Variants in PIK3CD observed in about 807,000 individuals in gnomAD.
PIK3CD encodes phosphatidylinositol 4,5-bisphosphate 3-kinase catalytic subunit delta isoform.
Under a neutral mutation model 122.9 loss-of-function variants are expected in PIK3CD, and 20 were observed. That is an observed-to-expected ratio of 0.16 (90% CI 0.11 to 0.24). The LOEUF (loss-of-function observed/expected upper bound fraction) is 0.24, where lower values mean the gene tolerates loss of function less well. Among genes scored for constraint, PIK3CD ranks in the 10% least tolerant of loss-of-function variants. PIK3CD has a pLI of 1.00. For synonymous variants in PIK3CD, 596 were observed against 593.4 expected (o/e 1.00, Z -0.06); for missense variants, 787 against 1,406.3 (o/e 0.56, Z 7.04).
intron 1 of PIK3CD, among the ~76,000 whole-genome samples, chr1:9,668,522 A>G (rs1645231016): frequency 6.9e-6 from 1 of 145,936 alleles, no homozygotes; most frequent in Admixed American, 7.0e-5. Flanking sequence ...GTTTTTAGTT[A>G]TACGAGTAAG....
At chr1:9,713,069 G>C (rs989971399) in intron 3 of PIK3CD, among the ~76,000 whole-genome samples, 4 of 152,178 alleles carry the variant, frequency 2.6e-5, no homozygotes, top group African/African-American at 9.7e-5. Flanking sequence ...TGTAATCCCA[G>C]CTACTCGGGA....
At chr1:9,721,091 C>G (rs1294869466) in intron 13 of PIK3CD, 36 bp from the exon 14 acceptor site, 2 of 1,584,880 alleles carry the variant, frequency 1.3e-6, no homozygotes, top group Non-Finnish European at 1.7e-6. Flanking sequence ...CACCCTGACC[C>G]CGGCCGCCCC....
the PIK3CD span, among the ~76,000 whole-genome samples, chr1:9,628,303 A>G: frequency 6.6e-6 from 1 of 152,174 alleles, no homozygotes; most frequent in African/African-American, 2.4e-5. Flanking sequence ...CTCCATCTCA[A>G]AAAGAAAGAA....
chr1:9,632,652 T>C, the PIK3CD span, among the ~76,000 whole-genome samples: 1 of 152,126 alleles, frequency 6.6e-6, no homozygotes, highest in African/African-American at 2.4e-5. Flanking sequence ...GTTGGGTCAA[T>C]TGAACATTAG....
Position 9,667,922 on chromosome 1 carries a change from T to G in PIK3CD, c.-138+16120T>G, listed in dbSNP as rs986328523. ...GGCTAATTTTTGTTTTTTTTTTTTT[T>G]TTTTTTTTTTAGTAAAGACAGGGTT... On this transcript the variant is annotated intron_variant, in intron 1 of 23. Transcript: ENST00000377346. Among the ~76,000 whole-genome samples the G allele has an allele frequency of 6.3e-4, 92 of 146,522 alleles. 1 individual carries two copies. The highest frequency in any genetic ancestry group is 5.4e-3 in the South Asian group (25 of 4,590).
chr1:9,695,757 G>A (rs1004293526), intron 2 of PIK3CD, among the ~76,000 whole-genome samples: 5 of 151,322 alleles, frequency 3.3e-5, no homozygotes, highest in East Asian at 3.9e-4. Flanking sequence ...CAGGAGAATC[G>A]CTTGAACCCG....
At chr1:9,630,183 G>A in the PIK3CD span, among the ~76,000 whole-genome samples, 3 of 152,218 alleles carry the variant, frequency 2.0e-5, no homozygotes, top group Admixed American at 6.5e-5. Context: ...CTGGACCCAC[G>A]TCTGTCTGGT....
At chr1:9,632,130 G>A in the PIK3CD span, among the ~76,000 whole-genome samples, 61 of 151,610 alleles carry the variant, frequency 4.0e-4, no homozygotes, top group African/African-American at 1.2e-3. Flanking sequence ...CTCCTGCCTC[G>A]GCCTCCTGAG....
chr1:9,654,752 C>T (rs1307754096), intron 1 of PIK3CD, among the ~76,000 whole-genome samples: 1 of 152,104 alleles, frequency 6.6e-6, no homozygotes, highest in Non-Finnish European at 1.5e-5. Flanking sequence ...GTTTCCTTAA[C>T]GTGGGACCTT....
chr1:9,690,684 A>T (rs1646167066), intron 1 of PIK3CD, among the ~76,000 whole-genome samples: 1 of 152,064 alleles, frequency 6.6e-6, no homozygotes, highest in Non-Finnish European at 1.5e-5. Flanking sequence ...GGTCCTTGGG[A>T]GATGTGTTCC....
chr1:9,644,092 G>C, the PIK3CD span, among the ~76,000 whole-genome samples: 1 of 152,216 alleles, frequency 6.6e-6, no homozygotes, highest in African/African-American at 2.4e-5. Context: ...CGTGGGTGGT[G>C]GTGGTGAAGC....
At chr1:9,675,112 G>A (rs1645473375) in intron 1 of PIK3CD, among the ~76,000 whole-genome samples, 1 of 151,384 alleles carries the variant, frequency 6.6e-6, no homozygotes, top group Non-Finnish European at 1.5e-5. Flanking sequence ...GAGGCCGGGC[G>A]CGGTGGCTCA....
Position 9,662,032 on chromosome 1 carries a change from C to T in PIK3CD, c.-138+10230C>T, listed in dbSNP as rs368861885. 5.9e-5 allele frequency among the ~76,000 whole-genome samples: 9 copies of T among 152,026 alleles called. 1 individual carries two copies. In the South Asian group the frequency reaches 1.7e-3, roughly 28 times the overall value. ...AGTTAGCCGGACATGGTGGTGCATGCCTGTAGTCCTAGTTACTCAGGAGGC... is the reference window on the plus strand; with the variant it reads ...AGTTAGCCGGACATGGTGGTGCATGTCTGTAGTCCTAGTTACTCAGGAGGC... On this transcript the variant is annotated intron_variant, in intron 1 of 23. Coordinates refer to ENST00000377346, the MANE Select transcript of PIK3CD (RefSeq NM_005026.5).
the PIK3CD span, among the ~76,000 whole-genome samples, chr1:9,637,550 C>T: frequency 1.3e-5 from 2 of 151,876 alleles, no homozygotes; most frequent in Non-Finnish European, 2.9e-5. Flanking sequence ...CCAGTTTATT[C>T]TCTTCCAGTT....
intron 5 of PIK3CD, 35 bp from the exon 6 acceptor site, chr1:9,716,405 C>CGAGGGCAGAGGACT: frequency 6.2e-7 from 1 of 1,606,584 alleles, no homozygotes; most frequent in Non-Finnish European, 8.5e-7. Context: ...CGGGGGGCCT[C>CGAGGGCAGAGGACT]GAGGGCAGAG....
Position 9,722,252 on chromosome 1 carries a change from A to G in PIK3CD, c.2243A>G (p.Gln748Arg). 2 of 1,613,258 alleles carry G rather than the reference A, an allele frequency of 1.2e-6. No homozygotes were observed. Among genetic ancestry groups the G allele is most frequent in the Non-Finnish European group, 1.7e-6 (2 of 1,179,748 alleles). Residue 748 changes from glutamine (Q) to arginine (R), a missense_variant, in exon 18 of 24, where the codon CAG (glutamine) becomes CGG (arginine). Gln to Arg is a conservative substitution (Grantham distance 43, BLOSUM62 1). Around this residue, in one of 6 missense-constraint regions of PIK3CD, gnomAD observed 48 missense variants for 71.9 expected, o/e 0.67. Transcript: ENST00000377346. This position sits in a 1 kb window ranked among gnomAD's most constrained non-coding sequence, Gnocchi z 7.6. ...GCTCTCTGGCCTGGCAGCGTGGAGC[A>G]GTGCACCTTCATGGACTCCAAGATG... is the stretch of plus-strand genomic sequence containing the variant. ...STLLAEVCVE[Q>R]CTFMDSKMKP...
upstream of PIK3CD, among the ~76,000 whole-genome samples, chr1:9,650,582 C>G (rs1395544700): frequency 6.6e-6 from 1 of 151,656 alleles, no homozygotes; most frequent in South Asian, 2.1e-4. Flanking sequence ...CGAGATGGCA[C>G]CACTGCATTC....
At chr1:9,657,022 C>T (rs1233484698) in intron 1 of PIK3CD, among the ~76,000 whole-genome samples, 2 of 152,006 alleles carry the variant, frequency 1.3e-5, no homozygotes, top group Non-Finnish European at 2.9e-5. Context: ...AGCAAGGCCT[C>T]GCTCCCTCTG....
intron 1 of PIK3CD, among the ~76,000 whole-genome samples, chr1:9,668,438 ATTC>A (rs1341405318): frequency 6.8e-6 from 1 of 147,850 alleles, no homozygotes; most frequent in Non-Finnish European, 1.5e-5. Flanking sequence ...AGCTGTTCTT[ATTC>A]TTTTTTTTTT....
Sources: gnomAD v4.1 joint callset for allele counts (sites outside exome capture counted in the v4.1 genomes callset) on GRCh38, gnomAD v4.1.1 for gene constraint, gnomAD v4.1.1 regional missense constraint, Gnocchi (gnomAD v3.1) non-coding constraint, MANE v1.5 for transcripts, NCBI Gene and HGNC (gene_info 2026-07-23, HGNC 2026-07-21) for gene names.